Variants in MYH8 observed in about 807,000 individuals in gnomAD.
MYH8 encodes myosin-8.
In MYH8, 168 loss-of-function variants were observed where a neutral mutation model predicts 233.2. That is an observed-to-expected ratio of 0.72 (90% CI 0.64 to 0.82). MYH8 has a LOEUF of 0.82. MYH8 is among the 40% of genes least tolerant of loss of function. The pLI is 0.00. For synonymous variants in MYH8, 785 were observed against 850.6 expected (o/e 0.92, Z 1.34); for missense variants, 1,995 against 2,327.8 (o/e 0.86, Z 2.94).
In MYH8 at chr17:10,390,541, G is replaced by A. The variant is rs560091940; in HGVS notation, c.5727C>T (p.Ala1909=). ...FRKLQHELEE[A]EERADIAESQ... ...ACTCAGCAATGTCAGCCCGTTCCTC[G>A]GCCTCCTCCAGCTCATGCTGGAGTT... Residue 1909 remains alanine (A), a synonymous_variant, in exon 40 of 40, where the codon GCC becomes GCT. Transcript: ENST00000403437. The A allele has an allele frequency of 1.3e-5, 21 of 1,614,080 alleles. No homozygotes were observed. Among genetic ancestry groups the A allele is most frequent in the South Asian group, 2.2e-5 (2 of 91,074 alleles).
rs375394501 is a variant in MYH8 at position 10,419,338 on chromosome 17, G to A, written c.211-308C>T. ...CTCCCAAAGTGCTGGGATTACAGGC[G>A]TGAGCCACTGCGCCTGGCTAAGACC... On this transcript the variant is annotated intron_variant, in intron 3 of 39. Transcript: ENST00000403437. This position sits in a 1 kb window ranked among gnomAD's most constrained non-coding sequence, Gnocchi z 4.0. 6.6e-6 allele frequency among the ~76,000 whole-genome samples: 1 copy of A among 152,162 alleles called. No individual in the cohort carries two copies. Among genetic ancestry groups the A allele is most frequent in the Admixed American group, 6.5e-5 (1 of 15,284 alleles).
At position 10,412,765 on chromosome 17, in the gene MYH8, A is replaced by G; in HGVS notation, c.1148-37T>C. The G allele has an allele frequency of 2.0e-6, 3 of 1,496,106 alleles. No homozygotes were observed. The South Asian group carries it at 3.4e-5, about 17-fold the overall frequency. The allele number at this position is 1,496,106 out of a possible 1,614,324, so 92.7% of individuals were successfully genotyped here. Reference sequence around the variant, plus strand: ...CAGTTCAGGACATGTTGTTTCATGAAGGATATCCTCTTTTACCTAATCTTT... The same window carrying G: ...CAGTTCAGGACATGTTGTTTCATGAGGGATATCCTCTTTTACCTAATCTTT... On this transcript the variant is annotated intron_variant, in intron 12 of 39. Transcript: ENST00000403437.
Position 10,396,475 on chromosome 17 carries a change from G to A in MYH8, c.4529-21C>T. 6.2e-7 allele frequency: 1 copy of A among 1,614,072 alleles called. No individual in the cohort carries two copies. ...CTCCTCTGTGGTTGAACAGACAGGA[G>A]AGAAATGGTCAGAAAGATGGCAACA... is the stretch of plus-strand genomic sequence containing the variant. On this transcript the variant is annotated intron_variant, in intron 32 of 39. Coordinates refer to ENST00000403437, the MANE Select transcript of MYH8 (RefSeq NM_002472.3). This position sits in a 1 kb window ranked among gnomAD's most constrained non-coding sequence, Gnocchi z 4.2.
At position 10,415,443 on chromosome 17, in the gene MYH8, G is replaced by T. The variant is rs765798390; in HGVS notation, c.648+29C>A. 2.9e-5 allele frequency: 47 copies of T among 1,613,302 alleles called. 1 individual carries two copies. The South Asian group carries it at 5.1e-4, about 17-fold the overall frequency. On this transcript the variant is annotated intron_variant, in intron 7 of 39. Coordinates refer to ENST00000403437, the MANE Select transcript of MYH8 (RefSeq NM_002472.3). This position sits in a 1 kb window ranked among gnomAD's most constrained non-coding sequence, Gnocchi z 4.1. Reference sequence around the variant, plus strand: ...CTCCAGATGTCTGAGAGCCTTGACAGAGGTTTTGACTCTGGCTATCAGACC... The same window carrying T: ...CTCCAGATGTCTGAGAGCCTTGACATAGGTTTTGACTCTGGCTATCAGACC...
In MYH8 at chr17:10,406,749, G is replaced by A. The variant is rs1237506246; in HGVS notation, c.2112C>T (p.Gly704=). Residue 704 remains glycine (G), a synonymous_variant, in exon 19 of 40, where the codon GGC becomes GGT. Transcript: ENST00000403437. Reference sequence around the variant, plus strand: ...GGAATCCTTTCCTACAGATGCGGATGCCTTCCAGCACACCATTACACCTCA... The same window carrying A: ...GGAATCCTTTCCTACAGATGCGGATACCTTCCAGCACACCATTACACCTCA... ...HQLRCNGVLE[G]IRICRKGFPS... is the part of the protein sequence containing the mutation. The A allele has an allele frequency of 1.9e-6, 3 of 1,614,154 alleles. No individual in the cohort carries two copies. Among genetic ancestry groups the A allele is most frequent in the South Asian group, 2.2e-5 (2 of 91,082 alleles).
Position 10,413,847 on chromosome 17 carries a change from A to AT in MYH8, c.1147+54dup, listed in dbSNP as rs569420870. On this transcript the variant is annotated intron_variant, in intron 12 of 39. Coordinates refer to ENST00000403437, the MANE Select transcript of MYH8 (RefSeq NM_002472.3). ...AAAGGAGATGTGAGTGTAAAATAGG[A>AT]TTTTTTTTTTTGCTACATTCTCTCA... 4.4e-3 allele frequency: 5,236 copies of AT among 1,184,382 alleles called. 2 individuals are homozygous for AT. The highest frequency in any genetic ancestry group is 4.8e-3 in the Non-Finnish European group (4,095 of 848,328). 73.4% of individuals were successfully genotyped at this position (1,184,382 alleles called of 1,614,324 possible).
chr17:10,418,558 A>G lies in MYH8; in HGVS notation c.511+87T>C, dbSNP rs1269650220. On this transcript the variant is annotated intron_variant, in intron 5 of 39. Coordinates refer to ENST00000403437, the MANE Select transcript of MYH8 (RefSeq NM_002472.3). ...CCCCATGTGGCTAGAATGTATTATCATAACATAAAGAGGCTCGGAAGAGGT... is the reference window on the plus strand; with the variant it reads ...CCCCATGTGGCTAGAATGTATTATCGTAACATAAAGAGGCTCGGAAGAGGT... 2.5e-6 allele frequency: 4 copies of G among 1,609,910 alleles called. No individual in the cohort carries two copies. The African/African-American group carries it at 4.0e-5, about 16-fold the overall frequency.
intron 22 of MYH8, 77 bp from the exon 23 acceptor site, chr17:10,401,862 TA>T (rs1483687230): frequency 1.3e-6 from 2 of 1,572,912 alleles, no homozygotes; most frequent in Admixed American, 1.7e-5. Context: ...GCAAAAATAA[TA>T]GTGTTTTATT....
rs565776024 is a variant in MYH8, at chr17:10,410,726, T to C, written c.1587+51A>G. The C allele has an allele frequency of 6.8e-6, 11 of 1,613,172 alleles. No individual in the cohort carries two copies. In the African/African-American group the frequency reaches 1.1e-4, roughly 16 times the overall value. On this transcript the variant is annotated intron_variant, in intron 15 of 39. Coordinates refer to ENST00000403437, the MANE Select transcript of MYH8 (RefSeq NM_002472.3). ...TAATACTTTCTAGAATTGCTTAAGA[T>C]TTCTGGAAAGTGATCCTCACAGTCT...
At position 10,414,046 on chromosome 17, in the gene MYH8, A is replaced by G. The variant is rs1303424091; in HGVS notation, c.1009-6T>C. On this transcript the variant is annotated splice_region_variant and splice_polypyrimidine_tract_variant and intron_variant, in intron 11 of 39. Coordinates refer to ENST00000403437, the MANE Select transcript of MYH8 (RefSeq NM_002472.3). ...CCCAGGATGTCAATGGCACTCTACC[A>G]GGAAAAATGAGAGGACAAAAGTTAG... 7 of 1,614,176 alleles carry G rather than the reference A, an allele frequency of 4.3e-6. No individual in the cohort carries two copies. The highest frequency in any genetic ancestry group is 1.6e-4 in the Middle Eastern group (1 of 6,062).
chr17:10,414,119 A>G, intron 11 of MYH8, 73 bp downstream of exon 11: 1 of 1,608,912 alleles, frequency 6.2e-7, no homozygotes, highest in Non-Finnish European at 8.5e-7. Context: ...TCCTAAGGTA[A>G]CCACACCTAC....
chr17:10,393,553 G>A (rs2072049149), intron 35 of MYH8, among the ~76,000 whole-genome samples: 1 of 152,212 alleles, frequency 6.6e-6, no homozygotes, highest in Admixed American at 6.5e-5. Flanking sequence ...CGTTTTGTGA[G>A]TGGCAGGCAC....
intron 21 of MYH8, among the ~76,000 whole-genome samples, chr17:10,405,089 T>C (rs1000297836): frequency 5.3e-5 from 8 of 152,148 alleles, no homozygotes; most frequent in Admixed American, 2.0e-4. Flanking sequence ...TTCCTTGAAG[T>C]TGCTCCTCTT....
chr17:10,395,076 A>T (rs1480684480), intron 34 of MYH8, 57 bp downstream of exon 34: 9 of 1,597,794 alleles, frequency 5.6e-6, no homozygotes, highest in Non-Finnish European at 6.9e-6. Flanking sequence ...GTGTTTGGGA[A>T]ATGGAAGACA....
chr17:10,400,862 G>T lies in MYH8; in HGVS notation c.3345+7C>A. The stretch of plus-strand genomic sequence containing the variant: ...TGTGCAGAAAAAATAGAGGTGAGAT[G>T]ACTCACCTGCAACTCTTTGATCTTC... On this transcript the variant is annotated splice_region_variant and intron_variant, in intron 26 of 39. Coordinates refer to ENST00000403437, the MANE Select transcript of MYH8 (RefSeq NM_002472.3). This position sits in a 1 kb window ranked among gnomAD's most constrained non-coding sequence, Gnocchi z 4.0. The T allele has an allele frequency of 6.2e-7, 1 of 1,613,224 alleles. No homozygotes were observed. Among genetic ancestry groups the T allele is most frequent in the South Asian group, 1.1e-5 (1 of 91,050 alleles).
intron 9 of MYH8, 124 bp from the exon 10 acceptor site, chr17:10,414,608 T>C (rs2072273544): frequency 2.8e-6 from 2 of 716,280 alleles, no homozygotes; most frequent in Admixed American, 2.1e-5. Context: ...TTCAACTTGA[T>C]GACCAATTGC....
chr17:10,416,133 C>A (rs530491340), intron 5 of MYH8, among the ~76,000 whole-genome samples: 74 of 152,260 alleles, frequency 4.9e-4, no homozygotes, highest in African/African-American at 1.7e-3. Flanking sequence ...CATTCCCTGG[C>A]GCCCACCATT....
Position 10,406,682 on chromosome 17 carries a change from A to C in MYH8, c.2171+8T>G. On this transcript the variant is annotated splice_region_variant and intron_variant, in intron 19 of 39. Coordinates refer to ENST00000403437, the MANE Select transcript of MYH8 (RefSeq NM_002472.3). ...CAGTGTTAATGAAATACATCAAAGA[A>C]GACTGACCTTTGTTTGAAATCACCA... is the stretch of plus-strand genomic sequence containing the variant. The C allele has an allele frequency of 6.2e-7, 1 of 1,608,110 alleles. No homozygotes were observed. The highest frequency in any genetic ancestry group is 8.5e-7 in the Non-Finnish European group (1 of 1,174,772).
At position 10,414,486 on chromosome 17, in the gene MYH8, T is replaced by A. The variant is rs748711858; in HGVS notation, c.806-2A>T. On this transcript the variant is annotated splice_acceptor_variant, in intron 9 of 39. Transcript: ENST00000403437. LOFTEE classifies it high-confidence loss of function. The stretch of plus-strand genomic sequence containing the variant: ...TAACTCTGGACTTTTCTAAAAGATC[T>A]GGAGAGGGAAATAGATATCGAGTTT... 2.5e-6 allele frequency: 4 copies of A among 1,586,904 alleles called. No homozygotes were observed. In the East Asian group the frequency reaches 8.9e-5, roughly 35 times the overall value.
Sources: allele counts gnomAD v4.1 joint callset (sites outside exome capture counted in the v4.1 genomes callset), GRCh38; gene constraint gnomAD v4.1.1; non-coding constraint Gnocchi (gnomAD v3.1); transcripts MANE v1.5; gene names NCBI Gene and HGNC (gene_info 2026-07-23, HGNC 2026-07-21).